Variants in VAMP4 observed in about 807,000 individuals in gnomAD.
VAMP4 encodes the protein vesicle-associated membrane protein 4.
Under a neutral mutation model 23.5 loss-of-function variants are expected in VAMP4, and 19 were observed. The observed-to-expected ratio is 0.81, with a 90% CI of 0.56 to 1.19. The LOEUF (loss-of-function observed/expected upper bound fraction) is 1.19. Among genes scored for constraint, VAMP4 ranks in the 50% most tolerant of loss-of-function variants. VAMP4 has a pLI of 0.00. For synonymous variants in VAMP4, 31 were observed against 51.0 expected (o/e 0.61, Z 1.67); for missense variants, 145 against 168.6 (o/e 0.86, Z 0.78).
At chr1:171,719,332 T>C (rs1260655659) in intron 3 of VAMP4, 111 bp from the exon 4 acceptor site, 4 of 858,260 alleles carry the variant, frequency 4.7e-6, no homozygotes, top group Non-Finnish European at 7.1e-6. Flanking sequence ...ACTCTAAACA[T>C]GGATCAGTTA....
chr1:171,705,593 GT>G (rs1654623278), intron 7 of VAMP4, among the ~76,000 whole-genome samples: 1 of 152,030 alleles, frequency 6.6e-6, no homozygotes, highest in Non-Finnish European at 1.5e-5. Context: ...TGATTTTGGG[GT>G]TACAAATAAA....
intron 7 of VAMP4, among the ~76,000 whole-genome samples, chr1:171,705,430 G>A (rs1045668867): frequency 6.6e-6 from 1 of 152,104 alleles, no homozygotes; most frequent in Non-Finnish European, 1.5e-5. Flanking sequence ...GTACTAAATA[G>A]ACTACAAAAA....
At chr1:171,729,951 G>GGAGA (rs145451373) in intron 2 of VAMP4, among the ~76,000 whole-genome samples, 1 of 151,762 alleles carries the variant, frequency 6.6e-6, no homozygotes, top group Non-Finnish European at 1.5e-5. Flanking sequence ...GCAGAGTGAG[G>GGAGA]GAGAGAGAGA....
chr1:171,729,249 A>C (rs779870183), intron 2 of VAMP4, among the ~76,000 whole-genome samples: 7 of 152,178 alleles, frequency 4.6e-5, no homozygotes, highest in Admixed American at 2.0e-4. Flanking sequence ...CAAGTTAAGA[A>C]TCCCTTATCC....
chr1:171,732,419 C>T (rs1204220744), intron 2 of VAMP4, among the ~76,000 whole-genome samples: 1 of 151,190 alleles, frequency 6.6e-6, no homozygotes, highest in Non-Finnish European at 1.5e-5. Flanking sequence ...TGCCTGTAGT[C>T]CTAGCTATTC....
In VAMP4 at chr1:171,709,748, T is replaced by C. The variant is rs1358046496; in HGVS notation, c.266-4A>G. On this transcript the variant is annotated splice_region_variant and splice_polypyrimidine_tract_variant and intron_variant, in intron 5 of 7. Coordinates refer to ENST00000236192, the MANE Select transcript of VAMP4 (RefSeq NM_003762.5). ...GTTGCATTATCCGATAAGCTTTCTA[T>C]ATCACATAGAGGATGGAGAGAAGGA... 3 of 1,609,230 alleles carry C rather than the reference T, an allele frequency of 1.9e-6. No homozygotes were observed. Among genetic ancestry groups the C allele is most frequent in the Non-Finnish European group, 2.6e-6 (3 of 1,175,902 alleles).
intron 2 of VAMP4, among the ~76,000 whole-genome samples, chr1:171,733,657 T>A (rs1343554656): frequency 6.6e-6 from 1 of 152,184 alleles, no homozygotes; most frequent in Non-Finnish European, 1.5e-5. Context: ...TAATATTTCA[T>A]ACCCACTAGG....
chr1:171,713,982 T>C (rs1654945769), intron 4 of VAMP4, among the ~76,000 whole-genome samples: 1 of 152,198 alleles, frequency 6.6e-6, no homozygotes, highest in Non-Finnish European at 1.5e-5. Context: ...AAATCACTAT[T>C]GATAATGGAA....
chr1:171,705,600 A>G (rs1654623454), intron 7 of VAMP4, among the ~76,000 whole-genome samples: 1 of 152,142 alleles, frequency 6.6e-6, no homozygotes, highest in South Asian at 2.1e-4. Flanking sequence ...GGGGTTACAA[A>G]TAAATTTTAC....
rs1210771433 is a variant in VAMP4, at chr1:171,722,762, G to A, written c.114-3541C>T. Reference sequence around the variant, plus strand: ...ATTAAAAAGTCAGGAAACAACAGGTGCTGGAGAGGATGTGGAGAAACAGGA... The same window carrying A: ...ATTAAAAAGTCAGGAAACAACAGGTACTGGAGAGGATGTGGAGAAACAGGA... On this transcript the variant is annotated intron_variant, in intron 3 of 7. Transcript: ENST00000236192. Among the ~76,000 whole-genome samples the A allele has an allele frequency of 1.2e-4, 18 of 152,298 alleles. No homozygotes were observed. The South Asian group carries it at 3.3e-3, about 28-fold the overall frequency.
chr1:171,740,657 G>A (rs1333194736), intron 1 of VAMP4, among the ~76,000 whole-genome samples: 1 of 152,128 alleles, frequency 6.6e-6, no homozygotes, highest in Non-Finnish European at 1.5e-5. Context: ...CAGAATGCAT[G>A]GAAAAACAGA....
intron 3 of VAMP4, among the ~76,000 whole-genome samples, chr1:171,726,067 G>C (rs553701506): frequency 9.3e-5 from 14 of 150,672 alleles, no homozygotes; most frequent in Admixed American, 1.3e-4. Context: ...TTTTTTTTTG[G>C]GGGGGGCGAA....
At chr1:171,718,793 A>T (rs367754362) in intron 4 of VAMP4, among the ~76,000 whole-genome samples, 11 of 152,304 alleles carry the variant, frequency 7.2e-5, no homozygotes, top group African/African-American at 2.4e-4. Flanking sequence ...ATCAAGTCAT[A>T]AAAAAACCAA....
At position 171,701,925 on chromosome 1, in the gene VAMP4, AG is replaced by A. The variant is rs1654464633; in HGVS notation, c.*2580del. On this transcript the variant is annotated 3_prime_UTR_variant, in exon 8 of 8. Coordinates refer to ENST00000236192, the MANE Select transcript of VAMP4 (RefSeq NM_003762.5). ...TTCTGTAATTAAACATAAATCACAA[AG>A]GTATGGATTCAGGCATCAAAATAGT... The A allele has an allele frequency of 1.3e-5, 2 of 152,116 alleles. No homozygotes were observed. Among genetic ancestry groups the A allele is most frequent in the Admixed American group, 6.6e-5 (1 of 15,266 alleles). The allele number at this position is 152,116 out of a possible 1,614,324, so 9.4% of individuals were successfully genotyped here. A position where few individuals can be genotyped will look rare whatever the true frequency, so the allele number is the denominator to read the frequency against.
At chr1:171,733,761 ACAGCTGGGCAGTTCTT>A (rs1655639239) in intron 2 of VAMP4, among the ~76,000 whole-genome samples, 1 of 152,202 alleles carries the variant, frequency 6.6e-6, no homozygotes, top group African/African-American at 2.4e-5. Flanking sequence ...ACTTTGGAAA[ACAGCTGGGCAGTTCTT>A]CAGAAGGCTG....
chr1:171,730,028 G>A (rs772616478), intron 2 of VAMP4, among the ~76,000 whole-genome samples: 3 of 152,130 alleles, frequency 2.0e-5, no homozygotes, highest in Non-Finnish European at 2.9e-5. Flanking sequence ...AGGGGTATGA[G>A]CCTAAAAAGG....
intron 7 of VAMP4, among the ~76,000 whole-genome samples, 159 bp from the exon 8 acceptor site, chr1:171,704,693 G>C (rs900283621): frequency 1.3e-5 from 2 of 151,934 alleles, no homozygotes; most frequent in African/African-American, 4.8e-5. Flanking sequence ...TGGGAAAGGA[G>C]AAGCAAAAAA....
intron 2 of VAMP4, among the ~76,000 whole-genome samples, chr1:171,735,426 CGA>C (rs1400775371): frequency 6.6e-6 from 1 of 152,088 alleles, no homozygotes; most frequent in African/African-American, 2.4e-5. Context: ...AAACAAGTTC[CGA>C]GAGGTGATTT....
At chr1:171,736,139 G>A (rs536910407) in intron 2 of VAMP4, among the ~76,000 whole-genome samples, 9 of 152,140 alleles carry the variant, frequency 5.9e-5, no homozygotes, top group East Asian at 3.9e-4. Flanking sequence ...TGCCCGCCTC[G>A]GCCTCCCAAA....
Sources: allele counts gnomAD v4.1 joint callset (sites outside exome capture counted in the v4.1 genomes callset), GRCh38; gene constraint gnomAD v4.1.1; transcripts MANE v1.5; gene names NCBI Gene and HGNC (gene_info 2026-07-23, HGNC 2026-07-21).